FNBP1: variants seen among roughly 807,000 people sequenced by gnomAD.
FNBP1 encodes formin binding protein 1.
In FNBP1, 26 loss-of-function variants were observed where a neutral mutation model predicts 90.6. That is an observed-to-expected ratio of 0.29 (90% CI 0.21 to 0.40). The LOEUF is 0.40. Among genes scored for constraint, FNBP1 ranks in the 10% least tolerant of loss-of-function variants. FNBP1 has a pLI of 1.00. For missense variants in FNBP1, 635 were observed against 768.0 expected, an observed-to-expected ratio of 0.83 and a Z score of 2.05; for synonymous variants, 260 against 265.2, an observed-to-expected ratio of 0.98 and a Z score of 0.19.
At position 129,958,527 on chromosome 9, in the gene FNBP1, C is replaced by T. The variant is rs1324449800; in HGVS notation, c.372G>A (p.Gln124=). ...KSNFHDGRKA[Q]QHIETCWKQL... is the part of the protein sequence containing the mutation. Reference sequence around the variant, plus strand: ...GCTTCCAGCAAGTCTCGATGTGCTGCTGTGCTTTACGGCCATCGTGAAAGT... The same window carrying T: ...GCTTCCAGCAAGTCTCGATGTGCTGTTGTGCTTTACGGCCATCGTGAAAGT... Residue 124 remains glutamine (Q), a synonymous_variant, in exon 5 of 17, where the codon CAG becomes CAA. Transcript: ENST00000446176. 1.3e-6 allele frequency: 2 copies of T among 1,598,508 alleles called. No individual in the cohort carries two copies. Among genetic ancestry groups the T allele is most frequent in the Non-Finnish European group, 1.7e-6 (2 of 1,171,774 alleles).
chr9:129,966,572 T>A lies in FNBP1; in HGVS notation c.346-8019A>T, dbSNP rs970453396. Among the ~76,000 whole-genome samples the A allele has an allele frequency of 2.6e-5, 4 of 151,698 alleles. No individual in the cohort carries two copies. Among genetic ancestry groups the A allele is most frequent in the South Asian group, 2.1e-4 (1 of 4,808 alleles). On this transcript the variant is annotated intron_variant, in intron 4 of 16. Transcript: ENST00000446176. The surrounding 1 kb of genome is among the most constrained non-coding windows in gnomAD (Gnocchi z 4.3). ...GATGAAATGCCGTCTCTACTAAAAATACAAAAAAAATTAGCTGGGCATAGT... is the reference window on the plus strand; with the variant it reads ...GATGAAATGCCGTCTCTACTAAAAAAACAAAAAAAATTAGCTGGGCATAGT...
intron 1 of FNBP1, among the ~76,000 whole-genome samples, chr9:130,019,749 TTTA>T (rs1450587562): frequency 6.6e-6 from 1 of 152,204 alleles, no homozygotes; most frequent in Non-Finnish European, 1.5e-5. Flanking sequence ...TATTTACTTA[TTTA>T]TTATTTTTTA....
In FNBP1 at chr9:129,924,033, G is replaced by T. The variant is rs1039301929; in HGVS notation, c.988-7C>A. On this transcript the variant is annotated splice_polypyrimidine_tract_variant and splice_region_variant and intron_variant, in intron 9 of 16. Transcript: ENST00000446176. ...ATGTTAAAAGGGACATAAGCTACATGTAAGAGATGGAGCCGTGACAGAGTA... is the reference window on the plus strand; with the variant it reads ...ATGTTAAAAGGGACATAAGCTACATTTAAGAGATGGAGCCGTGACAGAGTA... The T allele has an allele frequency of 3.3e-6, 5 of 1,504,418 alleles. No homozygotes were observed. Among genetic ancestry groups the T allele is most frequent in the Non-Finnish European group, 4.4e-6 (5 of 1,131,054 alleles). 93.2% of individuals were successfully genotyped at this position (1,504,418 alleles called of 1,614,324 possible). A position where few individuals can be genotyped will look rare whatever the true frequency, so the allele number is the denominator to read the frequency against.
chr9:130,047,605 T>G (rs1327377776), upstream of FNBP1, among the ~76,000 whole-genome samples: 1 of 151,576 alleles, frequency 6.6e-6, no homozygotes, highest in African/African-American at 2.4e-5. Flanking sequence ...AGAGCGAGAC[T>G]CCATCTCGAA....
chr9:129,897,845 T>C (rs181608364), intron 15 of FNBP1, among the ~76,000 whole-genome samples: 53 of 152,276 alleles, frequency 3.5e-4, no homozygotes, highest in African/African-American at 1.3e-3. Flanking sequence ...CTTTCTTTTT[T>C]TTGAGACAGA....
chr9:129,963,913 C>A (rs2048203814), intron 4 of FNBP1, among the ~76,000 whole-genome samples: 1 of 152,136 alleles, frequency 6.6e-6, no homozygotes, highest in South Asian at 2.1e-4. Flanking sequence ...CCATGCCCAG[C>A]CCCAGCCTTT....
chr9:130,028,802 A>G (rs2058567541), intron 1 of FNBP1, among the ~76,000 whole-genome samples: 1 of 152,208 alleles, frequency 6.6e-6, no homozygotes, highest in Non-Finnish European at 1.5e-5. Context: ...AGAGCTTAGC[A>G]TTTTACCAAC....
chr9:130,009,727 G>A (rs374209985), intron 1 of FNBP1, among the ~76,000 whole-genome samples: 2 of 152,086 alleles, frequency 1.3e-5, no homozygotes, highest in African/African-American at 2.4e-5. Context: ...GCTTGAACCC[G>A]GGAGGTGGAG....
chr9:130,015,093 C>T (rs533411107), intron 1 of FNBP1, among the ~76,000 whole-genome samples: 1 of 151,918 alleles, frequency 6.6e-6, no homozygotes, highest in African/African-American at 2.4e-5. Flanking sequence ...AAAGAGAACA[C>T]AAAACATTAC....
At chr9:129,926,270 C>T (rs1446101114) in intron 8 of FNBP1, among the ~76,000 whole-genome samples, 2 of 152,174 alleles carry the variant, frequency 1.3e-5, no homozygotes, top group Non-Finnish European at 2.9e-5. Flanking sequence ...CTGTGCCCAG[C>T]CAGCAGCATA....
chr9:129,926,684 C>T (rs184141588), intron 8 of FNBP1, among the ~76,000 whole-genome samples: 2 of 151,938 alleles, frequency 1.3e-5, no homozygotes, highest in African/African-American at 2.4e-5. Flanking sequence ...GTCAGGAGTT[C>T]GAGACCAGCC....
chr9:129,964,248 A>C (rs924436159), intron 4 of FNBP1, among the ~76,000 whole-genome samples: 2 of 152,174 alleles, frequency 1.3e-5, no homozygotes, highest in African/African-American at 2.4e-5. Context: ...CTAAAGAAGG[A>C]GGAATTGTTC....
At chr9:129,968,344 G>A (rs2048933368) in intron 4 of FNBP1, among the ~76,000 whole-genome samples, 1 of 145,366 alleles carries the variant, frequency 6.9e-6, no homozygotes, top group Non-Finnish European at 1.5e-5. Context: ...GCAGTGAGCC[G>A]AGATTGCACC....
chr9:129,980,488 G>A (rs1378309733), intron 2 of FNBP1, among the ~76,000 whole-genome samples: 1 of 151,964 alleles, frequency 6.6e-6, no homozygotes, highest in South Asian at 2.1e-4. Context: ...ATATTTTGGG[G>A]GTGTTGATGC....
intron 4 of FNBP1, among the ~76,000 whole-genome samples, chr9:129,977,787 C>T (rs989604964): frequency 2.0e-5 from 3 of 152,000 alleles, no homozygotes; most frequent in Non-Finnish European, 2.9e-5. Flanking sequence ...CCACCATGCC[C>T]GACTGATAAG....
In FNBP1 at chr9:129,888,612, C is replaced by G. The variant is rs140878437; in HGVS notation, c.*1927G>C. On this transcript the variant is annotated 3_prime_UTR_variant, in exon 17 of 17. Coordinates refer to ENST00000446176, the MANE Select transcript of FNBP1 (RefSeq NM_015033.3). ...CAACCCTGAGCGGTTTGCAGTCCCCCCCGGGGAAGAAGCAGTCAGAGAGGC... is the reference window on the plus strand; with the variant it reads ...CAACCCTGAGCGGTTTGCAGTCCCCGCCGGGGAAGAAGCAGTCAGAGAGGC... 3.4e-5 allele frequency: 8 copies of G among 233,096 alleles called. No homozygotes were observed. The highest frequency in any genetic ancestry group is 2.2e-4 in the Admixed American group (4 of 17,788). The allele number at this position is 233,096 out of a possible 1,614,324, so 14.4% of individuals were successfully genotyped here. A position where few individuals can be genotyped will look rare whatever the true frequency, so the allele number is the denominator to read the frequency against.
intron 2 of FNBP1, among the ~76,000 whole-genome samples, chr9:129,986,084 T>C (rs952831283): frequency 6.6e-6 from 1 of 151,232 alleles, no homozygotes; most frequent in Non-Finnish European, 1.5e-5. Flanking sequence ...TGCAGTGAGC[T>C]GAGATCGTGC....
In FNBP1 at chr9:130,042,742, C is replaced by T. The variant is rs2059949232; in HGVS notation, c.24+210G>A. ...CCGCCGGGGACCCGCACCAACTCCC[C>T]TCGCCTCCGAAGGACAAGCCGGCCC... On this transcript the variant is annotated intron_variant, in intron 1 of 16. Transcript: ENST00000446176. The surrounding 1 kb of genome is among the most constrained non-coding windows in gnomAD (Gnocchi z 5.5). Among the ~76,000 whole-genome samples the T allele has an allele frequency of 6.6e-6, 1 of 151,756 alleles. No homozygotes were observed.
At chr9:129,916,018 G>T (rs550897976) in intron 10 of FNBP1, 38 bp from the exon 11 acceptor site, 1 of 1,469,330 alleles carries the variant, frequency 6.8e-7, no homozygotes, top group Non-Finnish European at 9.4e-7. Context: ...GAAAAATAGA[G>T]AGAAAGAGAG....
Sources: gnomAD v4.1 joint callset for allele counts (sites outside exome capture counted in the v4.1 genomes callset) on GRCh38, gnomAD v4.1.1 for gene constraint, Gnocchi (gnomAD v3.1) non-coding constraint, MANE v1.5 for transcripts, NCBI Gene and HGNC (gene_info 2026-07-23, HGNC 2026-07-21) for gene names.